Variants in HTR3B observed in about 807,000 individuals in gnomAD.
HTR3B encodes 5-hydroxytryptamine receptor 3B.
A neutral mutation model predicts 42.8 loss-of-function variants in HTR3B; 44 were observed. That is an observed-to-expected ratio of 1.03 (90% CI 0.81 to 1.32). The LOEUF (loss-of-function observed/expected upper bound fraction) is 1.32. Among genes scored for constraint, HTR3B ranks in the 40% most tolerant of loss-of-function variants. HTR3B has a pLI of 0.00. For missense variants in HTR3B, 527 were observed against 536.5 expected (o/e 0.98, Z 0.17); for synonymous variants, 203 against 209.0 (o/e 0.97, Z 0.25).
chr11:113,942,336 C>T (rs1038079414), intron 6 of HTR3B, among the ~76,000 whole-genome samples: 5 of 152,184 alleles, frequency 3.3e-5, no homozygotes, highest in African/African-American at 1.2e-4. Flanking sequence ...TGGTGGCACT[C>T]ACCTGTAGTC....
At chr11:113,943,318 C>A in intron 7 of HTR3B, 126 bp downstream of exon 7, 4 of 768,328 alleles carry the variant, frequency 5.2e-6, no homozygotes, top group Non-Finnish European at 8.9e-6. Context: ...GGGAGGACCA[C>A]TTCAGCTCAG....
intron 2 of HTR3B, among the ~76,000 whole-genome samples, chr11:113,913,503 G>C (rs1018377050): frequency 6.7e-6 from 1 of 148,906 alleles, no homozygotes; most frequent in African/African-American, 2.5e-5. Context: ...GAGCCACCAT[G>C]CTTGGCCTTT....
intron 2 of HTR3B, among the ~76,000 whole-genome samples, chr11:113,915,026 A>G (rs1169258185): frequency 8.5e-5 from 13 of 152,058 alleles, no homozygotes; most frequent in African/African-American, 3.1e-4. Context: ...TTAGTTGTTC[A>G]TATATTTTTT....
chr11:113,909,837 G>T (rs955717962), intron 2 of HTR3B, among the ~76,000 whole-genome samples: 2 of 151,894 alleles, frequency 1.3e-5, no homozygotes, highest in Admixed American at 6.6e-5. Flanking sequence ...ACAAAAACTA[G>T]CCAGGCCATG....
chr11:113,903,621 G>GT (rs1565553984), upstream of HTR3B, among the ~76,000 whole-genome samples: 33 of 151,676 alleles, frequency 2.2e-4, no homozygotes, highest in Middle Eastern at 3.4e-3. Context: ...TAGAGATGGG[G>GT]CTCACCATGT....
At chr11:113,942,884 C>T (rs1950146653) in intron 6 of HTR3B, 98 bp from the exon 7 acceptor site, 10 of 942,896 alleles carry the variant, frequency 1.1e-5, no homozygotes, top group Admixed American at 4.0e-5. Flanking sequence ...TATGCAAAAA[C>T]GTTGGGTCTT....
chr11:113,932,721 A>G (rs950060823), intron 5 of HTR3B, among the ~76,000 whole-genome samples: 21 of 152,124 alleles, frequency 1.4e-4, no homozygotes, highest in African/African-American at 4.8e-4. Context: ...CATTCTACAG[A>G]GAGTGTATTC....
At position 113,947,912 on chromosome 11, in the gene HTR3B, A is replaced by G. The variant is rs921829882; in HGVS notation, c.*1775A>G. Among the ~76,000 whole-genome samples the G allele has an allele frequency of 2.0e-5, 3 of 152,174 alleles. No individual in the cohort carries two copies. Among genetic ancestry groups the G allele is most frequent in the African/African-American group, 4.8e-5 (2 of 41,428 alleles). On this transcript the variant is annotated 3_prime_UTR_variant, in exon 9 of 9. Transcript: ENST00000260191. ...TCTTAACGCTGTCAGTAGAAGACAC[A>G]AAAGTCCAAAAGCTGTTTGCTAGAA... is the stretch of plus-strand genomic sequence containing the variant.
At position 113,904,828 on chromosome 11, in the gene HTR3B, G is replaced by C. The variant is rs1336018707; in HGVS notation, c.-106G>C. The C allele has an allele frequency of 2.4e-6, 2 of 846,864 alleles. No homozygotes were observed. Among genetic ancestry groups the C allele is most frequent in the Non-Finnish European group, 4.0e-6 (2 of 498,386 alleles). The allele number at this position is 846,864 out of a possible 1,614,324, so 52.5% of individuals were successfully genotyped here. A position where few individuals can be genotyped will look rare whatever the true frequency, so the allele number is the denominator to read the frequency against. ...GTAAGGATAGCATCAACTGGCAAAC[G>C]GAGAAGGAGGAGAACAGAGTGGAGA... On this transcript the variant is annotated 5_prime_UTR_variant, in exon 1 of 9. Transcript: ENST00000260191.
rs1178070726 is a variant in HTR3B, at chr11:113,909,984, C to CAAAA, written c.213+552_213+555dup. Among the ~76,000 whole-genome samples, 11 of 38,992 alleles carry CAAAA rather than the reference C, an allele frequency of 2.8e-4. 1 individual carries two copies. The highest frequency in any genetic ancestry group is 4.4e-4 in the Non-Finnish European group (9 of 20,346). 25.6% of individuals were successfully genotyped at this position (38,992 alleles called of 152,430 possible). A position where few individuals can be genotyped will look rare whatever the true frequency, so the allele number is the denominator to read the frequency against. Reference sequence around the variant, plus strand: ...GGGTAGCAGATCCAGACCTTGTCTCCAAAAAAAAAAAAAAAAAAAAAAAAA... The same window carrying CAAAA: ...GGGTAGCAGATCCAGACCTTGTCTCCAAAAAAAAAAAAAAAAAAAAAAAAAAAAA... On this transcript the variant is annotated intron_variant, in intron 2 of 8. Transcript: ENST00000260191.
upstream of HTR3B, among the ~76,000 whole-genome samples, chr11:113,902,735 G>A (rs1324860955): frequency 1.3e-5 from 2 of 152,126 alleles, no homozygotes; most frequent in East Asian, 1.9e-4. Flanking sequence ...TACCTCATTC[G>A]AGTTTCAATT....
At chr11:113,901,155 G>C (rs765733716), upstream of HTR3B, among the ~76,000 whole-genome samples, 8 of 152,134 alleles carry the variant, frequency 5.3e-5, no homozygotes, top group Admixed American at 3.3e-4. Context: ...AAAGAACTGA[G>C]TATGAGCTGG....
At chr11:113,913,893 T>C (rs1356878558) in intron 2 of HTR3B, among the ~76,000 whole-genome samples, 1 of 152,134 alleles carries the variant, frequency 6.6e-6, no homozygotes, top group African/African-American at 2.4e-5. Context: ...ATGGTGGCTA[T>C]ATAAGAAGAG....
intron 2 of HTR3B, among the ~76,000 whole-genome samples, chr11:113,913,675 C>G (rs898159383): frequency 3.3e-5 from 5 of 151,414 alleles, no homozygotes; most frequent in African/African-American, 1.2e-4. Flanking sequence ...CCATCACACC[C>G]GGCTAATTTT....
intron 2 of HTR3B, among the ~76,000 whole-genome samples, chr11:113,930,089 G>A (rs566285157): frequency 2.6e-5 from 4 of 152,244 alleles, no homozygotes; most frequent in African/African-American, 7.2e-5. Flanking sequence ...AGTTGTGGGA[G>A]TTCTTTATGT....
chr11:113,908,991 A>T (rs1949756075), intron 1 of HTR3B: 1 of 512,628 alleles, frequency 2.0e-6, no homozygotes. Flanking sequence ...AGGAATAAAG[A>T]AATTATTCTG....
At chr11:113,901,096 C>A (rs1489666181), upstream of HTR3B, among the ~76,000 whole-genome samples, 1 of 152,022 alleles carries the variant, frequency 6.6e-6, no homozygotes, top group African/African-American at 2.4e-5. Flanking sequence ...GAGGAGGGAC[C>A]ATTTTTGTGA....
intron 1 of HTR3B, among the ~76,000 whole-genome samples, chr11:113,906,355 C>T (rs576667992): frequency 6.6e-6 from 1 of 152,282 alleles, no homozygotes; most frequent in African/African-American, 2.4e-5. Context: ...GGAGAGCCAG[C>T]TAATTCCTGC....
chr11:113,936,563 AAG>A (rs755290865), intron 6 of HTR3B, among the ~76,000 whole-genome samples: 71 of 151,968 alleles, frequency 4.7e-4, no homozygotes, highest in Middle Eastern at 3.4e-3. Flanking sequence ...GAGAGAGAGA[AAG>A]AGAGAGAGAA....
Sources: gnomAD v4.1 joint callset for allele counts (sites outside exome capture counted in the v4.1 genomes callset) on GRCh38, gnomAD v4.1.1 for gene constraint, MANE v1.5 for transcripts, NCBI Gene and HGNC (gene_info 2026-07-23, HGNC 2026-07-21) for gene names.